PRKCQ: variants seen among roughly 807,000 people sequenced by gnomAD.
The protein encoded by PRKCQ is protein kinase C theta type.
A neutral mutation model predicts 91.2 loss-of-function variants in PRKCQ; 41 were observed. The ratio of observed to expected loss-of-function variants is 0.45; its 90% CI spans 0.35 to 0.58. PRKCQ has a LOEUF of 0.58. Among genes scored for constraint, PRKCQ ranks in the 20% least tolerant of loss-of-function variants. PRKCQ has a pLI of 0.00. For synonymous variants in PRKCQ, 307 were observed against 316.9 expected (o/e 0.97, Z 0.33); for missense variants, 673 against 896.5 (o/e 0.75, Z 3.18).
At chr10:6,443,542 A>G (rs1408537601) in intron 15 of PRKCQ, among the ~76,000 whole-genome samples, 3 of 152,244 alleles carry the variant, frequency 2.0e-5, no homozygotes, top group Non-Finnish European at 4.4e-5. Flanking sequence ...TGTTGAGTGA[A>G]GCAAGCCAGG....
At chr10:6,485,878 G>A (rs1836883564) in intron 9 of PRKCQ, among the ~76,000 whole-genome samples, 157 bp downstream of exon 9, 1 of 152,206 alleles carries the variant, frequency 6.6e-6, no homozygotes, top group African/African-American at 2.4e-5. Context: ...CAAAGATAGG[G>A]GGTGTGGGCA....
intron 1 of PRKCQ, among the ~76,000 whole-genome samples, chr10:6,532,764 T>G (rs1839437501): frequency 6.6e-6 from 1 of 152,208 alleles, no homozygotes. Flanking sequence ...CAAGAGCACT[T>G]TACAGTTTAC....
chr10:6,487,583 C>A (rs116026752), intron 8 of PRKCQ, among the ~76,000 whole-genome samples: 1 of 152,168 alleles, frequency 6.6e-6, no homozygotes, highest in Non-Finnish European at 1.5e-5. Flanking sequence ...AAAACAGTAG[C>A]ATAGAATCTA....
intron 1 of PRKCQ, among the ~76,000 whole-genome samples, chr10:6,559,611 G>A (rs760245935): frequency 1.1e-4 from 17 of 152,178 alleles, no homozygotes; most frequent in African/African-American, 3.4e-4. Flanking sequence ...TGCCTGCCTC[G>A]GCCTCCCAAA....
At chr10:6,575,891 T>C (rs1841212328) in intron 1 of PRKCQ, among the ~76,000 whole-genome samples, 1 of 152,232 alleles carries the variant, frequency 6.6e-6, no homozygotes, top group South Asian at 2.1e-4. Context: ...AATACAAAAG[T>C]TAGCTGGGTG....
intron 7 of PRKCQ, among the ~76,000 whole-genome samples, chr10:6,494,465 C>A (rs1305009831): frequency 6.3e-4 from 3 of 4,728 alleles, no homozygotes; most frequent in African/African-American, 8.8e-4. Context: ...GTCATCACCT[C>A]AGTCACCCTT....
At chr10:6,415,332 C>T in the PRKCQ span, among the ~76,000 whole-genome samples, 2,760 of 147,728 alleles carry the variant, frequency 0.019, 44 homozygotes, top group South Asian at 0.032. Context: ...CCAAAGAAAA[C>T]GATACCAACA....
At chr10:6,511,236 G>T (rs763551120) in intron 2 of PRKCQ, 42 bp from the exon 3 acceptor site, 2 of 1,583,406 alleles carry the variant, frequency 1.3e-6, no homozygotes, top group East Asian at 4.5e-5. Context: ...CTTCAGCCAG[G>T]CCTGGAAAAT....
At chr10:6,510,103 A>G (rs938878341) in intron 3 of PRKCQ, among the ~76,000 whole-genome samples, 1 of 152,216 alleles carries the variant, frequency 6.6e-6, no homozygotes, top group Non-Finnish European at 1.5e-5. Context: ...AGAAGCAGAA[A>G]GTCAGGATTC....
At chr10:6,467,028 C>A (rs1177696372) in intron 12 of PRKCQ, among the ~76,000 whole-genome samples, 1 of 152,056 alleles carries the variant, frequency 6.6e-6, no homozygotes, top group African/African-American at 2.4e-5. Flanking sequence ...GGGTATTAAA[C>A]AAAATAGTGT....
chr10:6,430,155 C>A lies in PRKCQ; in HGVS notation c.1965+655G>T, dbSNP rs1342626922. On this transcript the variant is annotated intron_variant, in intron 17 of 17. Transcript: ENST00000263125. The surrounding 1 kb of genome is among the most constrained non-coding windows in gnomAD (Gnocchi z 4.7). ...CAGGCGTGAGCCACCATGCCCAGCCCAACCTTGCTTTATTTTTGACTTCAC... is the reference window on the plus strand; with the variant it reads ...CAGGCGTGAGCCACCATGCCCAGCCAAACCTTGCTTTATTTTTGACTTCAC... Among the ~76,000 whole-genome samples, 1 of 152,186 alleles carries A rather than the reference C, an allele frequency of 6.6e-6. No homozygotes were observed.
intron 11 of PRKCQ, among the ~76,000 whole-genome samples, chr10:6,482,095 AT>A (rs1836634492): frequency 6.6e-6 from 1 of 151,794 alleles, no homozygotes; most frequent in South Asian, 2.1e-4. Flanking sequence ...GGCAGGAAGA[AT>A]TTAGAGGAGG....
intron 1 of PRKCQ, among the ~76,000 whole-genome samples, chr10:6,545,779 G>A (rs1448444501): frequency 6.6e-6 from 1 of 152,184 alleles, no homozygotes; most frequent in Non-Finnish European, 1.5e-5. Context: ...TTGGGAGGCT[G>A]AGGCAGGCAG....
downstream of PRKCQ, chr10:6,427,133 CG>C (rs1833150844): frequency 6.6e-6 from 1 of 151,722 alleles, no homozygotes; most frequent in African/African-American, 2.4e-5. Flanking sequence ...GGGAAGTAAA[CG>C]ATTAAGAGGA....
At chr10:6,526,837 T>C (rs1278977461) in intron 1 of PRKCQ, among the ~76,000 whole-genome samples, 1 of 152,184 alleles carries the variant, frequency 6.6e-6, no homozygotes, top group East Asian at 1.9e-4. Flanking sequence ...GGGGGTACCC[T>C]GGTCCCTGTG....
At chr10:6,453,815 G>C (rs888040101) in intron 15 of PRKCQ, among the ~76,000 whole-genome samples, 3 of 151,576 alleles carry the variant, frequency 2.0e-5, no homozygotes, top group African/African-American at 4.9e-5. Flanking sequence ...GTAAACTATC[G>C]CAAGGACAAA....
At chr10:6,562,261 T>C (rs1405470189) in intron 1 of PRKCQ, among the ~76,000 whole-genome samples, 1 of 152,204 alleles carries the variant, frequency 6.6e-6, no homozygotes, top group African/African-American at 2.4e-5. Flanking sequence ...AAAACCACTG[T>C]GGCCATCTCC....
At chr10:6,482,407 G>A (rs1349591257) in intron 11 of PRKCQ, among the ~76,000 whole-genome samples, 1 of 152,190 alleles carries the variant, frequency 6.6e-6, no homozygotes, top group Non-Finnish European at 1.5e-5. Flanking sequence ...ACCAGCCTGG[G>A]CAACACAGTG....
intron 13 of PRKCQ, among the ~76,000 whole-genome samples, chr10:6,463,004 C>CA (rs57879218): frequency 0.078 from 9,909 of 127,008 alleles, 739 homozygotes; most frequent in African/African-American, 0.21. Context: ...GACTCTGACT[C>CA]AAAAAAAAAA....
Sources: allele counts gnomAD v4.1 joint callset (sites outside exome capture counted in the v4.1 genomes callset), GRCh38; gene constraint gnomAD v4.1.1; non-coding constraint Gnocchi (gnomAD v3.1); transcripts MANE v1.5; gene names NCBI Gene and HGNC (gene_info 2026-07-23, HGNC 2026-07-21).